The following HGD variants were observed in gnomAD, a reference collection of about 807,000 sequenced individuals.
The protein encoded by HGD is homogentisate oxidase.
HGD carries 61 observed loss-of-function variants against 60.8 expected under a neutral mutation model. The ratio of observed to expected loss-of-function variants is 1.00; its 90% CI spans 0.82 to 1.24. The LOEUF (loss-of-function observed/expected upper bound fraction) is 1.24, where lower values mean the gene tolerates loss of function less well. Among genes scored for constraint, HGD ranks in the 50% most tolerant of loss-of-function variants. The probability of loss-of-function intolerance (pLI) is 0.00; values close to 1 mark genes in which losing one functional copy is unlikely to be tolerated. For synonymous variants in HGD, 212 were observed against 187.7 expected (o/e 1.13, Z -1.06); for missense variants, 542 against 547.1 (o/e 0.99, Z 0.09).
intron 12 of HGD, among the ~76,000 whole-genome samples, chr3:120,636,351 T>C (rs1225991665): frequency 2.0e-5 from 3 of 151,816 alleles, no homozygotes; most frequent in African/African-American, 7.3e-5. Flanking sequence ...TTAGGTCCTA[T>C]CCCAGACCTA....
chr3:120,667,354 C>T (rs879459980), intron 4 of HGD, among the ~76,000 whole-genome samples: 1 of 118,990 alleles, frequency 8.4e-6, no homozygotes, highest in South Asian at 2.6e-4. Context: ...AAAAAAAAGA[C>T]AAAGCTAGAA....
intron 1 of HGD, among the ~76,000 whole-genome samples, chr3:120,678,639 G>A (rs1321209361): frequency 1.3e-5 from 2 of 152,212 alleles, no homozygotes; most frequent in Non-Finnish European, 2.9e-5. Flanking sequence ...GAGCCACCAA[G>A]CACCAAGAGG....
At chr3:120,660,597 G>A (rs893010335) in intron 4 of HGD, among the ~76,000 whole-genome samples, 4 of 152,208 alleles carry the variant, frequency 2.6e-5, no homozygotes, top group African/African-American at 9.7e-5. Flanking sequence ...GGCCGAGGCG[G>A]CCAGATCACC....
intron 2 of HGD, 37 bp from the exon 3 acceptor site, chr3:120,675,026 T>C: frequency 6.9e-7 from 1 of 1,445,310 alleles, no homozygotes; most frequent in African/African-American, 1.4e-5. Flanking sequence ...ATTACTCCCA[T>C]CCGAAAAGCA....
chr3:120,668,594 A>G (rs1307052327), intron 4 of HGD, among the ~76,000 whole-genome samples: 1 of 152,020 alleles, frequency 6.6e-6, no homozygotes, highest in Admixed American at 6.6e-5. Flanking sequence ...AAAAAATAAT[A>G]TAAAATGAAG....
chr3:120,668,181 A>G (rs1275980276), intron 4 of HGD, among the ~76,000 whole-genome samples: 1 of 152,214 alleles, frequency 6.6e-6, no homozygotes, highest in Non-Finnish European at 1.5e-5. Flanking sequence ...TTAAGGGTCA[A>G]TTATTTAGAC....
At chr3:120,635,385 G>A (rs879550779) in intron 12 of HGD, among the ~76,000 whole-genome samples, 13 of 150,892 alleles carry the variant, frequency 8.6e-5, no homozygotes, top group Admixed American at 5.3e-4. Flanking sequence ...GCTGAGGCAG[G>A]AGAACAGCAT....
intron 9 of HGD, among the ~76,000 whole-genome samples, chr3:120,645,024 G>A (rs1375314930): frequency 2.0e-5 from 3 of 152,164 alleles, no homozygotes; most frequent in Non-Finnish European, 2.9e-5. Context: ...CCAGAGAAAG[G>A]AAATAAATCA....
intron 13 of HGD, among the ~76,000 whole-genome samples, chr3:120,630,067 G>A (rs1940535230): frequency 1.3e-5 from 2 of 152,128 alleles, no homozygotes; most frequent in South Asian, 4.1e-4. Context: ...CCCCTAACCA[G>A]AGAGGTGAAA....
chr3:120,635,991 C>A (rs1404363290), intron 12 of HGD, among the ~76,000 whole-genome samples: 1 of 151,770 alleles, frequency 6.6e-6, no homozygotes, highest in Non-Finnish European at 1.5e-5. Context: ...TAGATTCTGG[C>A]CAGCCATGGT....
In HGD at chr3:120,644,331, A is replaced by G. The variant is rs777323362; in HGVS notation, c.762T>C (p.Phe254=). 2 of 1,614,124 alleles carry G rather than the reference A, an allele frequency of 1.2e-6. No individual in the cohort carries two copies. Among genetic ancestry groups the G allele is most frequent in the African/African-American group, 2.7e-5 (2 of 75,036 alleles). The part of the protein sequence containing the change: ...TVINKYQGKL[F]AAKQDVSPFN... ...CCTTTTACTTTACCTGTTTGGCAGC[A>G]AACAGCTTGCCCTGGTATTTATTAA... is the stretch of plus-strand genomic sequence containing the variant. The change falls in exon 10 of 14, where the codon TTT becomes TTC. Residue 254 remains phenylalanine, a synonymous_variant. Transcript: ENST00000283871.
At chr3:120,647,638 C>G (rs1234927593) in intron 7 of HGD, among the ~76,000 whole-genome samples, 1 of 152,126 alleles carries the variant, frequency 6.6e-6, no homozygotes, top group Non-Finnish European at 1.5e-5. Flanking sequence ...TCTCCCACAT[C>G]AGAAAGGTCC....
chr3:120,647,131 T>G (rs1941191303), intron 7 of HGD, 79 bp from the exon 8 acceptor site: 1 of 1,103,488 alleles, frequency 9.1e-7, no homozygotes, highest in African/African-American at 1.5e-5. Flanking sequence ...GGCTTAAGGC[T>G]GCATTTGCTT....
intron 7 of HGD, 41 bp from the exon 8 acceptor site, chr3:120,647,093 G>T: frequency 2.0e-6 from 3 of 1,476,638 alleles, no homozygotes; most frequent in Non-Finnish European, 2.8e-6. Context: ...AATTCTTTTG[G>T]TGTGATAACC....
At chr3:120,654,963 C>T (rs889382564) in intron 4 of HGD, among the ~76,000 whole-genome samples, 1 of 152,108 alleles carries the variant, frequency 6.6e-6, no homozygotes, top group African/African-American at 2.4e-5. Context: ...CCCAGCTACT[C>T]AGGAAGCTGA....
intron 12 of HGD, among the ~76,000 whole-genome samples, chr3:120,635,726 G>A (rs1477444248): frequency 1.3e-5 from 2 of 151,798 alleles, no homozygotes; most frequent in African/African-American, 4.8e-5. Context: ...TCTACCCTGG[G>A]GCCAAATTTA....
Position 120,646,313 on chromosome 3 carries a change from C to T in HGD, c.603G>A (p.Leu201=), listed in dbSNP as rs1941160267. The T allele has an allele frequency of 3.1e-6, 5 of 1,613,788 alleles. No homozygotes were observed. Among genetic ancestry groups the T allele is most frequent in the Non-Finnish European group, 4.2e-6 (5 of 1,179,732 alleles). ...ACTCAAAGTGGACACCATAGACCTCCAAGATGTAGCCCCTGGTCTCCTCAA... is the reference window on the plus strand; with the variant it reads ...ACTCAAAGTGGACACCATAGACCTCTAAGATGTAGCCCCTGGTCTCCTCAA... The part of the protein sequence containing the change: ...DVFEETRGYI[L]EVYGVHFELP... The change falls in exon 9 of 14, where the codon TTG becomes TTA. Residue 201 remains leucine, a synonymous_variant. Transcript: ENST00000283871.
chr3:120,630,825 T>TACAC lies in HGD; in HGVS notation c.1189-2300_1189-2297dup, dbSNP rs1201452131. Among the ~76,000 whole-genome samples the TACAC allele has an allele frequency of 3.0e-3, 313 of 104,104 alleles. 4 individuals carry two copies. The highest frequency in any genetic ancestry group is 6.3e-3 in the African/African-American group (137 of 21,602). 68.3% of individuals were successfully genotyped at this position (104,104 alleles called of 152,430 possible). A position where few individuals can be genotyped will look rare whatever the true frequency, so the allele number is the denominator to read the frequency against. On this transcript the variant is annotated intron_variant, in intron 13 of 13. Transcript: ENST00000283871. ...ATATATATATATATATATATATATA[T>TACAC]ACACATACACACACACATACACACA...
At chr3:120,640,381 G>A (rs138852525) in intron 11 of HGD, among the ~76,000 whole-genome samples, 3,375 of 152,164 alleles carry the variant, frequency 0.022, 40 homozygotes, top group Middle Eastern at 0.058. Context: ...ATTGACAGAA[G>A]GGAGAGGGGC....
Sources: gnomAD v4.1 joint callset for allele counts (sites outside exome capture counted in the v4.1 genomes callset) on GRCh38, gnomAD v4.1.1 for gene constraint, MANE v1.5 for transcripts, NCBI Gene and HGNC (gene_info 2026-07-23, HGNC 2026-07-21) for gene names.